The following AGPS variants were observed in gnomAD, a reference collection of about 807,000 sequenced individuals.
AGPS encodes the protein alkylglycerone phosphate synthase.
AGPS carries 26 observed loss-of-function variants against 90.7 expected under a neutral mutation model. That is an observed-to-expected ratio of 0.29 (90% CI 0.21 to 0.40). The LOEUF (loss-of-function observed/expected upper bound fraction) is 0.40, where lower values mean the gene tolerates loss of function less well. Among genes scored for constraint, AGPS ranks in the 10% least tolerant of loss-of-function variants. AGPS has a pLI of 1.00. For synonymous variants in AGPS, 294 were observed against 285.3 expected (o/e 1.03, Z -0.31); for missense variants, 540 against 816.1 (o/e 0.66, Z 4.12).
intron 19 of AGPS, among the ~76,000 whole-genome samples, chr2:177,526,928 A>G (rs1271492502): frequency 1.3e-5 from 2 of 152,226 alleles, no homozygotes; most frequent in Non-Finnish European, 2.9e-5. Context: ...TGTCTTTCAC[A>G]TGAAGATGCT....
At chr2:177,524,493 A>T (rs540996621) in intron 19 of AGPS, among the ~76,000 whole-genome samples, 1 of 152,318 alleles carries the variant, frequency 6.6e-6, no homozygotes, top group Admixed American at 6.5e-5. Context: ...GTAGAATAGA[A>T]ATTTGTTCTT....
At chr2:177,465,301 AGT>A (rs767077166) in intron 9 of AGPS, among the ~76,000 whole-genome samples, 5 of 151,414 alleles carry the variant, frequency 3.3e-5, no homozygotes, top group South Asian at 2.1e-4. Context: ...TTTTTTTTTA[AGT>A]GTCCTGTGTA....
At chr2:177,456,261 C>T (rs180730069) in intron 8 of AGPS, among the ~76,000 whole-genome samples, 132 of 152,222 alleles carry the variant, frequency 8.7e-4, no homozygotes, top group African/African-American at 3.0e-3. Context: ...TTTTTCTTAC[C>T]AGCTAATGGC....
intron 12 of AGPS, among the ~76,000 whole-genome samples, chr2:177,493,617 T>C (rs1992789): frequency 1 from 152,279 of 152,348 alleles, 76,105 homozygotes; most frequent in Middle Eastern, 1. Context: ...GACTTCAAAT[T>C]GTTCTATGTG....
At chr2:177,485,938 G>A (rs1688081421) in intron 11 of AGPS, among the ~76,000 whole-genome samples, 1 of 151,948 alleles carries the variant, frequency 6.6e-6, no homozygotes. Flanking sequence ...AAAAAAAACT[G>A]TATTAGCTAT....
intron 19 of AGPS, among the ~76,000 whole-genome samples, chr2:177,524,909 A>G (rs1260883298): frequency 6.6e-6 from 1 of 152,196 alleles, no homozygotes; most frequent in Non-Finnish European, 1.5e-5. Context: ...CAAGGTCTGG[A>G]AAAGATTGCT....
At chr2:177,535,869 A>T (rs906653573) in intron 19 of AGPS, among the ~76,000 whole-genome samples, 3 of 151,964 alleles carry the variant, frequency 2.0e-5, no homozygotes, top group African/African-American at 7.2e-5. Flanking sequence ...AAATGTGTTT[A>T]TGAGGGGCCA....
chr2:177,441,199 A>G, intron 6 of AGPS, 163 bp downstream of exon 6: 1 of 654,758 alleles, frequency 1.5e-6, no homozygotes, highest in Non-Finnish European at 2.7e-6. Context: ...TCTAAGTAGG[A>G]TTCCTTAAAC....
chr2:177,484,843 G>C (rs1688049233), intron 11 of AGPS, among the ~76,000 whole-genome samples: 1 of 152,102 alleles, frequency 6.6e-6, no homozygotes, highest in African/African-American at 2.4e-5. Flanking sequence ...GCTCAACGCA[G>C]CCTCTCAATC....
At chr2:177,398,250 T>TA (rs1685240274) in intron 1 of AGPS, among the ~76,000 whole-genome samples, 1 of 152,188 alleles carries the variant, frequency 6.6e-6, no homozygotes, top group Non-Finnish European at 1.5e-5. Flanking sequence ...TTTTGGTAGT[T>TA]ATGTTGAATG....
intron 16 of AGPS, among the ~76,000 whole-genome samples, chr2:177,510,814 A>G (rs978790364): frequency 6.6e-6 from 1 of 152,194 alleles, no homozygotes; most frequent in Admixed American, 6.5e-5. Flanking sequence ...GCTAGAGGAC[A>G]TGTTTGCAGT....
Position 177,511,336 on chromosome 2 carries a change from G to C in AGPS, c.1608-2483G>C, listed in dbSNP as rs145055856. On this transcript the variant is annotated intron_variant, in intron 16 of 19. Transcript: ENST00000264167. ...TGGTCTTGAACCCCTGGGCTCAAGC[G>C]ATCCTCCTGCATTGGCCTTCGAAAG... Among the ~76,000 whole-genome samples the C allele has an allele frequency of 3.7e-4, 56 of 152,104 alleles. No individual in the cohort carries two copies. In the East Asian group the frequency reaches 0.01, roughly 28 times the overall value.
In AGPS at chr2:177,434,348, T is replaced by C. The variant is rs1686334785; in HGVS notation, c.372T>C (p.Gly124=). The C allele has an allele frequency of 6.2e-7, 1 of 1,612,724 alleles. No homozygotes were observed. The highest frequency in any genetic ancestry group is 8.5e-7 in the Non-Finnish European group (1 of 1,179,000). ...TTAGGTACCCTCTTAGTGGCATGGG[T>C]TTACCAACATTTAAAGAATGGATCC... ...TGKRYPLSGM[G]LPTFKEWIQN... is the part of the protein sequence containing the mutation. Residue 124 remains glycine (G), a synonymous_variant, in exon 3 of 20, where the codon GGT becomes GGC. Coordinates refer to ENST00000264167, the MANE Select transcript of AGPS (RefSeq NM_003659.4).
intron 8 of AGPS, among the ~76,000 whole-genome samples, chr2:177,454,079 T>C (rs1687039980): frequency 6.6e-6 from 1 of 150,720 alleles, no homozygotes; most frequent in Non-Finnish European, 1.5e-5. Flanking sequence ...GTGTTTCTTT[T>C]GTTGAGGATT....
At chr2:177,491,977 G>A (rs564224018) in intron 11 of AGPS, among the ~76,000 whole-genome samples, 1 of 152,004 alleles carries the variant, frequency 6.6e-6, no homozygotes, top group African/African-American at 2.4e-5. Context: ...GTAGAGACAA[G>A]CTTTTGCCAT....
intron 7 of AGPS, among the ~76,000 whole-genome samples, chr2:177,444,475 GTATAAT>G (rs143795186): frequency 0.035 from 5,218 of 150,722 alleles, 195 homozygotes; most frequent in African/African-American, 0.096. Context: ...TATAGTGAGA[GTATAAT>G]TATGAGTTTT....
chr2:177,462,045 A>G, intron 9 of AGPS, 27 bp downstream of exon 9: 2 of 1,538,778 alleles, frequency 1.3e-6, no homozygotes, highest in South Asian at 2.3e-5. Context: ...TTATTATGTA[A>G]TAATTGATTA....
At chr2:177,495,854 G>A (rs1688396923) in intron 12 of AGPS, among the ~76,000 whole-genome samples, 1 of 144,930 alleles carries the variant, frequency 6.9e-6, no homozygotes, top group African/African-American at 2.6e-5. Context: ...GGAGGCAGAG[G>A]TTGCTGTGAG....
intron 8 of AGPS, among the ~76,000 whole-genome samples, chr2:177,457,449 GAAGAA>G (rs1447569810): frequency 6.6e-6 from 1 of 152,038 alleles, no homozygotes; most frequent in East Asian, 1.9e-4. Context: ...GACTAATAAA[GAAGAA>G]AAGAGAGAAG....
Sources: allele counts gnomAD v4.1 joint callset (sites outside exome capture counted in the v4.1 genomes callset), GRCh38; gene constraint gnomAD v4.1.1; transcripts MANE v1.5; gene names NCBI Gene and HGNC (gene_info 2026-07-23, HGNC 2026-07-21).